DNAH7: variants seen among roughly 807,000 people sequenced by gnomAD.
The protein encoded by DNAH7 is axonemal beta dynein heavy chain 7.
DNAH7 carries 397 observed loss-of-function variants against 444.6 expected under a neutral mutation model. That is an observed-to-expected ratio of 0.89 (90% CI 0.82 to 0.97). The LOEUF is 0.97. Among genes scored for constraint, DNAH7 ranks in the 50% least tolerant of loss-of-function variants. The probability of loss-of-function intolerance (pLI) is 0.00; values close to 1 mark genes in which losing one functional copy is unlikely to be tolerated. For synonymous variants in DNAH7, 1,636 were observed against 1,624.4 expected (o/e 1.01, Z -0.17); for missense variants, 4,902 against 4,800.8 (o/e 1.02, Z -0.62).
intron 21 of DNAH7, among the ~76,000 whole-genome samples, chr2:195,926,896 C>G (rs1487069368): frequency 6.6e-6 from 1 of 151,952 alleles, no homozygotes; most frequent in African/African-American, 2.4e-5. Context: ...AGCAATTTTA[C>G]TGCAAAATAC....
chr2:195,903,248 A>AAATTAAGC (rs1426747118), intron 27 of DNAH7: 2 of 152,202 alleles, frequency 1.3e-5, no homozygotes, highest in African/African-American at 4.8e-5. Context: ...AATAAAAAAA[A>AAATTAAGC]AATTAAGCAA....
At chr2:195,847,312 TA>T (rs997173318) in intron 46 of DNAH7, among the ~76,000 whole-genome samples, 1 of 151,172 alleles carries the variant, frequency 6.6e-6, no homozygotes, top group African/African-American at 2.4e-5. Context: ...TATGCAGCCA[TA>T]AAAAAGAGTA....
chr2:196,050,729 G>GA lies in DNAH7; in HGVS notation c.141+457dup, dbSNP rs546677530. On this transcript the variant is annotated intron_variant, in intron 3 of 64. Coordinates refer to ENST00000312428, the MANE Select transcript of DNAH7 (RefSeq NM_018897.3). ...AATGACACTTTATAGTCAAAATAAT[G>GA]AAAAAAGATTCCAAAATCTAAGAAA... Among the ~76,000 whole-genome samples, 240 of 152,100 alleles carry GA rather than the reference G, an allele frequency of 1.6e-3. 1 individual carries two copies. The highest frequency in any genetic ancestry group is 5.3e-3 in the African/African-American group (220 of 41,520).
At chr2:195,991,680 GC>G (rs1693350660) in intron 12 of DNAH7, among the ~76,000 whole-genome samples, 1 of 152,114 alleles carries the variant, frequency 6.6e-6, no homozygotes, top group Admixed American at 6.6e-5. Flanking sequence ...CTAATGTGTT[GC>G]CCTTTATTCA....
At position 195,934,718 on chromosome 2, in the gene DNAH7, GTAATGTC is replaced by G; in HGVS notation, c.3337_3343del (p.Asp1113LeufsTer3). 1 of 1,614,068 alleles carries G rather than the reference GTAATGTC, an allele frequency of 6.2e-7. No individual in the cohort carries two copies. The highest frequency in any genetic ancestry group is 8.5e-7 in the Non-Finnish European group (1 of 1,179,982). Reference sequence around the variant, plus strand: ...CTCTCCTTCGCTGCTCTTCATGTGAGTAATGTCTAAAGTTTCCGTAAATTCTACCTTT... The same window carrying G: ...CTCTCCTTCGCTGCTCTTCATGTGAGTAAAGTTTCCGTAAATTCTACCTTT... On this transcript the variant is annotated frameshift_variant, in exon 21 of 65. Coordinates refer to ENST00000312428, the MANE Select transcript of DNAH7 (RefSeq NM_018897.3). LOFTEE classifies it high-confidence loss of function.
intron 47 of DNAH7, among the ~76,000 whole-genome samples, chr2:195,838,999 C>G (rs1698532605): frequency 6.6e-6 from 1 of 151,746 alleles, no homozygotes; most frequent in Non-Finnish European, 1.5e-5. Context: ...GATATTGAAG[C>G]CATGAACAAC....
At position 195,888,912 on chromosome 2, in the gene DNAH7, C is replaced by G. The variant is rs1701856377; in HGVS notation, c.5116G>C (p.Val1706Leu). 1.9e-6 allele frequency: 3 copies of G among 1,613,922 alleles called. No individual in the cohort carries two copies. The highest frequency in any genetic ancestry group is 2.7e-5 in the African/African-American group (2 of 74,888). Residue 1706 changes from valine to leucine, a missense_variant, in exon 32 of 65, where the codon GTG becomes CTG. By Grantham distance (32) the Val-to-Leu change is conservative. Transcript: ENST00000312428. ...CATAGCTTCTTGTTGTCATCCAGCACAGTGTTCATATTCTCAATCCACACT... is the reference window on the plus strand; with the variant it reads ...CATAGCTTCTTGTTGTCATCCAGCAGAGTGTTCATATTCTCAATCCACACT... ...DAVWIENMNT[V>L]LDDNKKLCLM...
intron 1 of DNAH7, among the ~76,000 whole-genome samples, chr2:196,064,419 CAATT>C (rs1698310256): frequency 6.6e-6 from 1 of 151,514 alleles, no homozygotes; most frequent in Admixed American, 6.6e-5. Context: ...AATTATCACC[CAATT>C]AATTTATCTG....
At chr2:196,040,343 C>A (rs1212800428) in intron 5 of DNAH7, among the ~76,000 whole-genome samples, 4 of 151,948 alleles carry the variant, frequency 2.6e-5, no homozygotes, top group Non-Finnish European at 4.4e-5. Flanking sequence ...AAACCAAATC[C>A]AATAATACAT....
chr2:195,893,578 T>G (rs1702139454), intron 30 of DNAH7: 1 of 151,904 alleles, frequency 6.6e-6, no homozygotes, highest in African/African-American at 2.4e-5. Context: ...TATCTTTGCT[T>G]TCTTTTGTGT....
chr2:196,064,171 T>C (rs892148712), intron 1 of DNAH7, among the ~76,000 whole-genome samples: 7 of 151,926 alleles, frequency 4.6e-5, no homozygotes, highest in South Asian at 2.1e-4. Context: ...AAAAATTAGC[T>C]GGGCGTAGTG....
chr2:195,740,834 A>C lies in DNAH7; in HGVS notation c.11800T>G (p.Ser3934Ala). The C allele has an allele frequency of 1.9e-6, 3 of 1,567,530 alleles. No homozygotes were observed. The highest frequency in any genetic ancestry group is 2.6e-6 in the Non-Finnish European group (3 of 1,155,592). The change falls in exon 64 of 65, where the codon TCC becomes GCC. Residue 3934 changes from serine (S) to alanine (A), a missense_variant. Coordinates refer to ENST00000312428, the MANE Select transcript of DNAH7 (RefSeq NM_018897.3). ...AGTTTCTTGATCTTTCTATTCCAGG[A>C]AGCTCCATCCAGAAATAATCCGTGA... is the stretch of plus-strand genomic sequence containing the variant. The part of the protein sequence containing the change: ...FIHGLFLDGA[S>A]WNRKIKKLAE...
chr2:195,832,958 G>T (rs1698144659), intron 48 of DNAH7, among the ~76,000 whole-genome samples: 2 of 152,124 alleles, frequency 1.3e-5, no homozygotes, highest in African/African-American at 4.8e-5. Context: ...AAACTATATG[G>T]TTAAAATATA....
In DNAH7 at chr2:195,864,453, G is replaced by A; in HGVS notation, c.7202C>T (p.Thr2401Ile). 3 of 1,614,166 alleles carry A rather than the reference G, an allele frequency of 1.9e-6. No individual in the cohort carries two copies. Among genetic ancestry groups the A allele is most frequent in the South Asian group, 2.2e-5 (2 of 91,088 alleles). Reference protein sequence around the residue: ...EMQGVFLFTDTQIKEESFLED... With the variant: ...EMQGVFLFTDIQIKEESFLED... ...CAGAAAAGACTCTTCTTTAATTTGA[G>A]TATCTGTAAACAGGAAGACACCCTG... Residue 2401 changes from threonine to isoleucine, a missense_variant, in exon 41 of 65, where the codon ACT becomes ATT. Transcript: ENST00000312428.
At chr2:195,738,647 C>T (rs1204685346) in intron 64 of DNAH7, among the ~76,000 whole-genome samples, 2 of 152,114 alleles carry the variant, frequency 1.3e-5, no homozygotes, top group Non-Finnish European at 2.9e-5. Context: ...AATCTATACC[C>T]CATTCTTTTT....
intron 23 of DNAH7, 137 bp downstream of exon 23, chr2:195,923,458 T>C: frequency 1.4e-6 from 1 of 723,938 alleles, no homozygotes; most frequent in Non-Finnish European, 2.3e-6. Flanking sequence ...TATAAAGAAA[T>C]GCTTACTTGG....
At chr2:195,945,285 T>G (rs920977694) in intron 19 of DNAH7, among the ~76,000 whole-genome samples, 21 of 152,148 alleles carry the variant, frequency 1.4e-4, no homozygotes, top group Admixed American at 1.2e-3. Flanking sequence ...GATTTACTAC[T>G]TCTGCCCCAA....
chr2:195,876,348 C>T lies in DNAH7; in HGVS notation c.6117+196G>A, dbSNP rs141248905. Among the ~76,000 whole-genome samples, 1,495 of 152,262 alleles carry T rather than the reference C, an allele frequency of 9.8e-3. 31 individuals carry two copies. The highest frequency in any genetic ancestry group is 0.034 in the African/African-American group (1,394 of 41,560). On this transcript the variant is annotated intron_variant, in intron 37 of 64. Transcript: ENST00000312428. ...AATATTCTACCTTCAACTCAAAGGGCAACTCCTTGTTTTAAACATCAAGCT... is the reference window on the plus strand; with the variant it reads ...AATATTCTACCTTCAACTCAAAGGGTAACTCCTTGTTTTAAACATCAAGCT...
intron 11 of DNAH7, 91 bp from the exon 12 acceptor site, chr2:196,000,974 C>A: frequency 9.9e-7 from 1 of 1,008,900 alleles, no homozygotes; most frequent in Non-Finnish European, 1.4e-6. Flanking sequence ...TACATGGGAA[C>A]CCACACTTTC....
Sources: gnomAD v4.1 joint callset for allele counts (sites outside exome capture counted in the v4.1 genomes callset) on GRCh38, gnomAD v4.1.1 for gene constraint, MANE v1.5 for transcripts, NCBI Gene and HGNC (gene_info 2026-07-23, HGNC 2026-07-21) for gene names.